Variants in IST1 observed in about 807,000 individuals in gnomAD.
The protein encoded by IST1 is IST1 homolog.
In IST1, 23 loss-of-function variants were observed where a neutral mutation model predicts 37.0. That is an observed-to-expected ratio of 0.62 (90% CI 0.45 to 0.88). IST1 has a LOEUF of 0.88. Among genes scored for constraint, IST1 ranks in the 40% least tolerant of loss-of-function variants. The probability of loss-of-function intolerance (pLI) is 0.00; values close to 1 mark genes in which losing one functional copy is unlikely to be tolerated. For missense variants in IST1, 488 were observed against 445.4 expected (o/e 1.10, Z -0.86); for synonymous variants, 180 against 161.7 (o/e 1.11, Z -0.86).
chr16:71,910,131 A>G (rs1170594737), intron 1 of IST1, among the ~76,000 whole-genome samples: 1 of 152,210 alleles, frequency 6.6e-6, no homozygotes. Context: ...AGTGTGGTCT[A>G]AAATTGCAGG....
At chr16:71,907,966 G>T (rs556533545) in intron 1 of IST1, among the ~76,000 whole-genome samples, 1 of 151,906 alleles carries the variant, frequency 6.6e-6, no homozygotes, top group Non-Finnish European at 1.5e-5. Context: ...TTTTTTTTGA[G>T]ACGGAGTCTC....
intron 1 of IST1, among the ~76,000 whole-genome samples, chr16:71,907,001 G>T (rs1359573204): frequency 3.3e-5 from 5 of 152,056 alleles, no homozygotes; most frequent in African/African-American, 1.2e-4. Flanking sequence ...CTACACTCCA[G>T]CCTGGGTAAC....
Position 71,930,139 on chromosome 16 carries a change from G to GTC in IST1, c.*2326_*2327insTC. The GTC allele has an allele frequency of 6.4e-7, 1 of 1,551,544 alleles. No homozygotes were observed. The highest frequency in any genetic ancestry group is 8.7e-7 in the Non-Finnish European group (1 of 1,146,814). On this transcript the variant is annotated 3_prime_UTR_variant, in exon 10 of 10. Transcript: ENST00000378799. ...CCACAAGTACCATCAAGATGACACT[G>GTC]GTGAGGATCAGAAAGGTGCCCAGGA...
At chr16:71,915,900 G>T (rs921404897) in intron 2 of IST1, among the ~76,000 whole-genome samples, 172 bp downstream of exon 2, 3 of 151,238 alleles carry the variant, frequency 2.0e-5, no homozygotes, top group Non-Finnish European at 3.0e-5. Context: ...GTGTGATCTC[G>T]GCTCACTGCA....
Position 71,921,319 on chromosome 16 carries a change from A to C in IST1, c.442-24A>C, listed in dbSNP as rs763913156. The C allele has an allele frequency of 9.7e-6, 14 of 1,438,250 alleles. 1 individual carries two copies. In the South Asian group the frequency reaches 1.5e-4, roughly 15 times the overall value. 89.1% of individuals were successfully genotyped at this position (1,438,250 alleles called of 1,614,324 possible). A position where few individuals can be genotyped will look rare whatever the true frequency, so the allele number is the denominator to read the frequency against. On this transcript the variant is annotated intron_variant, in intron 5 of 9. Transcript: ENST00000378799. Reference sequence around the variant, plus strand: ...AGGCTGGTTGGTATACATGCATCTTAGCCCTGGGTCTTTTTACTTACAGCT... The same window carrying C: ...AGGCTGGTTGGTATACATGCATCTTCGCCCTGGGTCTTTTTACTTACAGCT...
At chr16:71,918,981 T>TCTG (rs2037523229) in intron 4 of IST1, among the ~76,000 whole-genome samples, 1 of 152,234 alleles carries the variant, frequency 6.6e-6, no homozygotes, top group Non-Finnish European at 1.5e-5. Context: ...CCAATGCTAC[T>TCTG]GTCGTTTCCT....
At chr16:71,896,052 G>A (rs2036962225) in intron 1 of IST1, among the ~76,000 whole-genome samples, 1 of 152,236 alleles carries the variant, frequency 6.6e-6, no homozygotes, top group Non-Finnish European at 1.5e-5. Context: ...CACCGGGCGG[G>A]GTGGCCTCCT....
chr16:71,905,586 G>A (rs1042381203), intron 1 of IST1, among the ~76,000 whole-genome samples: 1 of 151,900 alleles, frequency 6.6e-6, no homozygotes, highest in Non-Finnish European at 1.5e-5. Flanking sequence ...CACCATGTTG[G>A]CCAGGCTGGT....
At chr16:71,916,994 G>A (rs1326553767) in intron 3 of IST1, 53 bp from the exon 4 acceptor site, 4 of 1,192,270 alleles carry the variant, frequency 3.4e-6, no homozygotes, top group Non-Finnish European at 4.9e-6. Context: ...CAAAAGCTAG[G>A]ATTTTGTTGG....
intron 1 of IST1, chr16:71,903,408 C>A (rs1182808391): frequency 6.6e-6 from 1 of 151,762 alleles, no homozygotes; most frequent in Non-Finnish European, 1.5e-5. Context: ...ATTTTTTTCA[C>A]TTGAAGCTTT....
chr16:71,895,040 A>T (rs555888456), upstream of IST1: 3 of 497,614 alleles, frequency 6.0e-6, no homozygotes, highest in East Asian at 1.1e-4. Flanking sequence ...AGGGACACGG[A>T]GGCGCTGGGT....
At chr16:71,907,531 C>T (rs1253868144) in intron 1 of IST1, among the ~76,000 whole-genome samples, 1 of 152,174 alleles carries the variant, frequency 6.6e-6, no homozygotes, top group African/African-American at 2.4e-5. Context: ...CCCGCCTCGG[C>T]TTCCCAAAGT....
Position 71,925,918 on chromosome 16 carries a change from A to G in IST1, c.901+1101A>G, listed in dbSNP as rs113894871. 3.4e-5 allele frequency among the ~76,000 whole-genome samples: 5 copies of G among 147,974 alleles called. 1 individual carries two copies. The highest frequency in any genetic ancestry group is 1.2e-4 in the African/African-American group (5 of 40,064). On this transcript the variant is annotated intron_variant, in intron 9 of 9. Transcript: ENST00000378799. ...ATTGTACTCCAGCCTGGGGGACAAA[A>G]GTGAGACCCTGTCTTAAAAAACAAA...
In IST1 at chr16:71,905,039, G is replaced by GT. The variant is rs1312779616; in HGVS notation, c.-16+9457dup. On this transcript the variant is annotated intron_variant, in intron 1 of 9. Transcript: ENST00000378799. ...TTTGCTTTTTTTGTGTAGTATTTTTGTTTTTTTGTTTTTTGAGATGGAGTC... is the reference window on the plus strand; with the variant it reads ...TTTGCTTTTTTTGTGTAGTATTTTTGTTTTTTTTGTTTTTTGAGATGGAGTC... Among the ~76,000 whole-genome samples, 7 of 150,058 alleles carry GT rather than the reference G, an allele frequency of 4.7e-5. No individual in the cohort carries two copies. In the South Asian group the frequency reaches 8.4e-4, roughly 18 times the overall value.
chr16:71,910,381 C>T (rs895043609), intron 1 of IST1, among the ~76,000 whole-genome samples: 6 of 151,904 alleles, frequency 3.9e-5, no homozygotes, highest in Admixed American at 3.9e-4. Context: ...CCGAGGCAGG[C>T]GGATTACAAA....
chr16:71,896,770 G>T (rs373916746), intron 1 of IST1, among the ~76,000 whole-genome samples: 2 of 152,032 alleles, frequency 1.3e-5, no homozygotes, highest in African/African-American at 4.8e-5. Flanking sequence ...ACTTGAGCTT[G>T]GGAGTTGGAG....
chr16:71,903,271 G>C (rs1203999527), intron 1 of IST1: 1 of 152,158 alleles, frequency 6.6e-6, no homozygotes, highest in Non-Finnish European at 1.5e-5. Flanking sequence ...GTGAACCACT[G>C]AGCCTGGCCT....
intron 1 of IST1, among the ~76,000 whole-genome samples, chr16:71,915,241 C>T (rs2037442289): frequency 6.6e-6 from 1 of 152,132 alleles, no homozygotes; most frequent in Non-Finnish European, 1.5e-5. Context: ...CCTTCTGCTT[C>T]TTTATCTTTT....
At chr16:71,915,481 C>G (rs2037447639) in intron 1 of IST1, 145 bp from the exon 2 acceptor site, 2 of 567,456 alleles carry the variant, frequency 3.5e-6, no homozygotes, top group Admixed American at 3.5e-5. Context: ...CCAAAACAAT[C>G]TGTAAAAAAT....
Sources: gnomAD v4.1 joint callset for allele counts (sites outside exome capture counted in the v4.1 genomes callset) on GRCh38, gnomAD v4.1.1 for gene constraint, MANE v1.5 for transcripts, NCBI Gene and HGNC (gene_info 2026-07-23, HGNC 2026-07-21) for gene names.